Variants in KIF26B observed in about 807,000 individuals in gnomAD.
The protein encoded by KIF26B is kinesin family member 26B, also known as kinesin-like protein KIF26B.
A neutral mutation model predicts 151.2 loss-of-function variants in KIF26B; 63 were observed. That is an observed-to-expected ratio of 0.42 (90% CI 0.34 to 0.51). The LOEUF (loss-of-function observed/expected upper bound fraction) is 0.51, where lower values mean the gene tolerates loss of function less well. Ranked by LOEUF, KIF26B falls within the 20% of genes least tolerant of loss-of-function variation. The pLI, the probability that KIF26B is intolerant of heterozygous loss-of-function variation, is 0.07. For missense variants in KIF26B, 2,813 were observed against 2,913.6 expected (o/e 0.97, Z 0.79); for synonymous variants, 1,357 against 1,262.1 (o/e 1.08, Z -1.59).
At position 245,307,714 on chromosome 1, in the gene KIF26B, A is replaced by G. The variant is rs114419975; in HGVS notation, c.466-59120A>G. On this transcript the variant is annotated intron_variant, in intron 2 of 14. Coordinates refer to ENST00000407071, the MANE Select transcript of KIF26B (RefSeq NM_018012.4). ...TCCCTCCCTTTCCTCTGAAGCCACA[A>G]TTATCTCTACCAGGAATCTCTCTCT... Among the ~76,000 whole-genome samples, 1,144 of 149,706 alleles carry G rather than the reference A, an allele frequency of 7.6e-3. 16 individuals carry two copies. Among genetic ancestry groups the G allele is most frequent in the African/African-American group, 0.026 (1,063 of 40,836 alleles).
intron 4 of KIF26B, among the ~76,000 whole-genome samples, chr1:245,482,324 G>A (rs761100225): frequency 1.1e-4 from 16 of 151,696 alleles, no homozygotes; most frequent in African/African-American, 2.2e-4. Context: ...TCCTGACCTC[G>A]TGATCCTCCC....
At chr1:245,674,491 A>G (rs2044333136) in intron 10 of KIF26B, among the ~76,000 whole-genome samples, 1 of 152,232 alleles carries the variant, frequency 6.6e-6, no homozygotes, top group Admixed American at 6.5e-5. Flanking sequence ...ATCTTTCAGC[A>G]CATCTTCATT....
chr1:245,645,987 C>A, intron 9 of KIF26B, 134 bp from the exon 10 acceptor site: 2 of 905,522 alleles, frequency 2.2e-6, no homozygotes, highest in East Asian at 2.6e-5. Context: ...CTGGGGTTTC[C>A]TAGTAGGTCA....
intron 2 of KIF26B, among the ~76,000 whole-genome samples, chr1:245,205,034 C>T (rs1186529185): frequency 6.6e-6 from 1 of 152,112 alleles, no homozygotes; most frequent in African/African-American, 2.4e-5. Flanking sequence ...GATCTTGCTG[C>T]CTTGGACTCC....
intron 5 of KIF26B, among the ~76,000 whole-genome samples, chr1:245,571,492 ATGT>A (rs2043065798): frequency 6.6e-6 from 1 of 152,220 alleles, no homozygotes; most frequent in Non-Finnish European, 1.5e-5. Context: ...ATCAGAACTG[ATGT>A]TGTATAAACT....
At chr1:245,700,820 G>A (rs1412998348) in intron 14 of KIF26B, among the ~76,000 whole-genome samples, 4 of 152,174 alleles carry the variant, frequency 2.6e-5, no homozygotes, top group Non-Finnish European at 5.9e-5. Flanking sequence ...TACTGTCTGC[G>A]CGTGACATGC....
intron 2 of KIF26B, among the ~76,000 whole-genome samples, chr1:245,179,715 A>G (rs1454204073): frequency 6.6e-6 from 1 of 152,178 alleles, no homozygotes; most frequent in Non-Finnish European, 1.5e-5. Context: ...CAAGCAAACA[A>G]CTGTCGTAAA....
chr1:245,247,433 G>A (rs1670356780), intron 2 of KIF26B, among the ~76,000 whole-genome samples: 1 of 152,174 alleles, frequency 6.6e-6, no homozygotes, highest in Admixed American at 6.5e-5. Flanking sequence ...ACCCCAGCCT[G>A]GGCGACAGAG....
Position 245,688,820 on chromosome 1 carries a change from G to C in KIF26B, c.5824+13G>C. The C allele has an allele frequency of 6.4e-7, 1 of 1,554,912 alleles. No individual in the cohort carries two copies. Among genetic ancestry groups the C allele is most frequent in the South Asian group, 1.2e-5 (1 of 81,680 alleles). On this transcript the variant is annotated intron_variant, in intron 12 of 14. Coordinates refer to ENST00000407071, the MANE Select transcript of KIF26B (RefSeq NM_018012.4). ...CGCTCCAATCCAGGTAGGCGGCTGG[G>C]CGCAGGGACGCGGGTGAGGAGGGCG...
Position 245,705,664 on chromosome 1 carries a change from CT to C in KIF26B, c.*3059del, listed in dbSNP as rs1366418205. 6.6e-6 allele frequency: 1 copy of C among 152,276 alleles called. No homozygotes were observed. The highest frequency in any genetic ancestry group is 1.9e-4 in the East Asian group (1 of 5,202). 9.4% of individuals were successfully genotyped at this position (152,276 alleles called of 1,614,324 possible). A position where few individuals can be genotyped will look rare whatever the true frequency, so the allele number is the denominator to read the frequency against. ...TGTGTGAACCTGTCCTCCTCACCCC[CT>C]GCTCCAAATATGTGAGGTGGAAGCA... On this transcript the variant is annotated 3_prime_UTR_variant, in exon 15 of 15. Coordinates refer to ENST00000407071, the MANE Select transcript of KIF26B (RefSeq NM_018012.4).
chr1:245,193,516 C>T (rs1324110810), intron 2 of KIF26B, among the ~76,000 whole-genome samples: 1 of 151,988 alleles, frequency 6.6e-6, no homozygotes, highest in Non-Finnish European at 1.5e-5. Flanking sequence ...TTTAAATAAC[C>T]TTTTTTCAAA....
chr1:245,563,744 T>TTTAGATTTAGATTAGA lies in KIF26B; in HGVS notation c.1350+22795_1350+22796insTAGATTTAGATTAGAT, dbSNP rs145100065. On this transcript the variant is annotated intron_variant, in intron 5 of 14. Coordinates refer to ENST00000407071, the MANE Select transcript of KIF26B (RefSeq NM_018012.4). The surrounding 1 kb of genome is among the most constrained non-coding windows in gnomAD (Gnocchi z 4.6). ...TACACCTTTTCTATGTTTAGGTATGTTGTTTAGATTTAGAATATGTAACGC... is the reference window on the plus strand; with the variant it reads ...TACACCTTTTCTATGTTTAGGTATGTTTAGATTTAGATTAGATGTTTAGATTTAGAATATGTAACGC... Among the ~76,000 whole-genome samples the TTTAGATTTAGATTAGA allele has an allele frequency of 3.4e-4, 45 of 132,498 alleles. No individual in the cohort carries two copies. The highest frequency in any genetic ancestry group is 1.3e-3 in the African/African-American group (39 of 28,956). The allele number at this position is 132,498 out of a possible 152,430, so 86.9% of individuals were successfully genotyped here. A position where few individuals can be genotyped will look rare whatever the true frequency, so the allele number is the denominator to read the frequency against.
chr1:245,240,556 T>G lies in KIF26B; in HGVS notation c.465+83873T>G, dbSNP rs532565159. On this transcript the variant is annotated intron_variant, in intron 2 of 14. Transcript: ENST00000407071. ...GAGAAATACCACTGCCCTCAGACTC[T>G]CGTGAGATTATATTTAATCTTTTTC... 5.9e-5 allele frequency among the ~76,000 whole-genome samples: 9 copies of G among 152,272 alleles called. No individual in the cohort carries two copies. The East Asian group carries it at 1.5e-3, about 26-fold the overall frequency.
intron 5 of KIF26B, among the ~76,000 whole-genome samples, chr1:245,588,440 C>T (rs757851461): frequency 1.6e-4 from 25 of 152,124 alleles, no homozygotes; most frequent in Non-Finnish European, 3.1e-4. Context: ...TTGCCTCTGG[C>T]GGGAGGTGGC....
chr1:245,266,819 C>G (rs1164729504), intron 2 of KIF26B, among the ~76,000 whole-genome samples: 1 of 152,092 alleles, frequency 6.6e-6, no homozygotes, highest in East Asian at 1.9e-4. Flanking sequence ...TTACCATTTT[C>G]TAATTGTGTG....
chr1:245,201,450 A>G (rs577572120), intron 2 of KIF26B, among the ~76,000 whole-genome samples: 1 of 152,196 alleles, frequency 6.6e-6, no homozygotes, highest in Non-Finnish European at 1.5e-5. Context: ...AGATTCCTCC[A>G]ATCGCTTCTA....
intron 2 of KIF26B, among the ~76,000 whole-genome samples, chr1:245,198,168 A>T (rs1006614725): frequency 2.6e-5 from 4 of 152,206 alleles, no homozygotes; most frequent in Non-Finnish European, 5.9e-5. Context: ...GTGGTGAGCA[A>T]AACAGACCTC....
At chr1:245,191,348 G>A (rs113968778) in intron 2 of KIF26B, among the ~76,000 whole-genome samples, 8 of 152,048 alleles carry the variant, frequency 5.3e-5, no homozygotes, top group African/African-American at 1.4e-4. Context: ...GATGGCAGAC[G>A]CCTGTAATCC....
Position 245,488,552 on chromosome 1 carries a change from CG to C in KIF26B, c.1167-52211del, listed in dbSNP as rs146446930. Among the ~76,000 whole-genome samples the C allele has an allele frequency of 0.016, 2,401 of 152,206 alleles. 64 individuals are homozygous for C. The highest frequency in any genetic ancestry group is 0.054 in the African/African-American group (2,244 of 41,512). On this transcript the variant is annotated intron_variant, in intron 4 of 14. Transcript: ENST00000407071. The surrounding 1 kb of genome is among the most constrained non-coding windows in gnomAD (Gnocchi z 4.6). ...GGGGAATGAACTACCCCCTCTGCCT[CG>C]GGGACAGGCACCTCCTGGTCCACAT... is the stretch of plus-strand genomic sequence containing the variant.
Sources: allele counts gnomAD v4.1 joint callset (sites outside exome capture counted in the v4.1 genomes callset), GRCh38; gene constraint gnomAD v4.1.1; non-coding constraint Gnocchi (gnomAD v3.1); transcripts MANE v1.5; gene names NCBI Gene and HGNC (gene_info 2026-07-23, HGNC 2026-07-21).